Variants in CMTM4 observed in about 807,000 individuals in gnomAD.
The protein encoded by CMTM4 is CKLF-like MARVEL transmembrane domain-containing protein 4.
Under a neutral mutation model 19.0 loss-of-function variants are expected in CMTM4, and 8 were observed. The ratio of observed to expected loss-of-function variants is 0.42; its 90% CI spans 0.25 to 0.76. The LOEUF (loss-of-function observed/expected upper bound fraction) is 0.76. Among genes scored for constraint, CMTM4 ranks in the 30% least tolerant of loss-of-function variants. The pLI is 0.27. For synonymous variants in CMTM4, 106 were observed against 121.1 expected (o/e 0.88, Z 0.82); for missense variants, 228 against 290.2 (o/e 0.79, Z 1.56).
At chr16:66,613,585 T>G (rs2144763573), downstream of CMTM4, 1 of 155,400 alleles carries the variant, frequency 6.4e-6, no homozygotes, top group East Asian at 1.9e-4. Flanking sequence ...TTATATTTTT[T>G]TATGCAAAAG....
chr16:66,602,275 T>C, the CMTM4 span, among the ~76,000 whole-genome samples: 1 of 152,048 alleles, frequency 6.6e-6, no homozygotes, highest in African/African-American at 2.4e-5. Context: ...CACAGGCCTG[T>C]AATCCCAGCT....
intron 1 of CMTM4, among the ~76,000 whole-genome samples, chr16:66,663,532 C>CCTT (rs2016536485): frequency 1.8e-5 from 1 of 55,256 alleles, no homozygotes; most frequent in African/African-American, 6.8e-5. Flanking sequence ...TTTTCATTTG[C>CCTT]TTTTTTTTTT....
chr16:66,674,445 G>A (rs997492244), intron 1 of CMTM4, among the ~76,000 whole-genome samples: 1 of 152,130 alleles, frequency 6.6e-6, no homozygotes, highest in Non-Finnish European at 1.5e-5. Context: ...CACACACCCA[G>A]ACAGGGACAA....
intron 1 of CMTM4, among the ~76,000 whole-genome samples, chr16:66,678,977 T>C (rs2144897784): frequency 6.6e-6 from 1 of 151,830 alleles, no homozygotes; most frequent in East Asian, 1.9e-4. Context: ...TGCACGCCTG[T>C]GGTCCCAGCT....
chr16:66,649,385 T>C (rs1369628012), intron 1 of CMTM4, among the ~76,000 whole-genome samples: 2 of 152,164 alleles, frequency 1.3e-5, no homozygotes, highest in Non-Finnish European at 2.9e-5. Flanking sequence ...TAGGGATGCA[T>C]TGGTGAACAA....
chr16:66,683,931 G>A (rs1386956256), intron 1 of CMTM4, among the ~76,000 whole-genome samples: 1 of 152,118 alleles, frequency 6.6e-6, no homozygotes, highest in East Asian at 1.9e-4. Flanking sequence ...AGCTAAGCGG[G>A]CATTTTCAGG....
intron 1 of CMTM4, among the ~76,000 whole-genome samples, chr16:66,678,827 C>A (rs1241021774): frequency 2.0e-5 from 3 of 152,090 alleles, no homozygotes; most frequent in Non-Finnish European, 4.4e-5. Context: ...TATTCTTTGG[C>A]CAGGAGCAGT....
chr16:66,649,882 G>GGTGA (rs749845354), intron 1 of CMTM4, among the ~76,000 whole-genome samples: 2 of 151,302 alleles, frequency 1.3e-5, no homozygotes, highest in African/African-American at 4.9e-5. Context: ...AGGCAAACAG[G>GGTGA]GTGAGGCCAG....
intron 1 of CMTM4, among the ~76,000 whole-genome samples, chr16:66,666,121 A>G (rs916090038): frequency 6.6e-6 from 1 of 151,242 alleles, no homozygotes; most frequent in Non-Finnish European, 1.5e-5. Context: ...AGAAAGAGAA[A>G]GAAAGAAAGA....
rs116168508 is a variant in CMTM4 at position 66,640,377 on chromosome 16, G to A, written c.187-3796C>T. 8.5e-3 allele frequency among the ~76,000 whole-genome samples: 1,288 copies of A among 152,288 alleles called. 18 individuals are homozygous for A. The highest frequency in any genetic ancestry group is 0.029 in the African/African-American group (1,216 of 41,536). The stretch of plus-strand genomic sequence containing the variant: ...GGGTGCTATTTGAGACAGAGTTGCC[G>A]AACATATAAGGGACAGCTGTCTGGA... On this transcript the variant is annotated intron_variant, in intron 1 of 3. Coordinates refer to ENST00000394106, the MANE Select transcript of CMTM4 (RefSeq NM_181521.3).
chr16:66,608,810 A>AG, the CMTM4 span, among the ~76,000 whole-genome samples: 1 of 152,248 alleles, frequency 6.6e-6, no homozygotes, highest in African/African-American at 2.4e-5. This position sits in a 1 kb window ranked among gnomAD's most constrained non-coding sequence, Gnocchi z 5.1. Flanking sequence ...AGGTTAACTG[A>AG]GGACTTGCAG....
In CMTM4 at chr16:66,616,456, G is replaced by C. The variant is rs1320589580; in HGVS notation, c.*5602C>G. 6.6e-6 allele frequency: 1 copy of C among 152,160 alleles called. No homozygotes were observed. Among genetic ancestry groups the C allele is most frequent in the African/African-American group, 2.4e-5 (1 of 41,424 alleles). The allele number at this position is 152,160 out of a possible 1,614,324, so 9.4% of individuals were successfully genotyped here. A position where few individuals can be genotyped will look rare whatever the true frequency, so the allele number is the denominator to read the frequency against. On this transcript the variant is annotated 3_prime_UTR_variant, in exon 4 of 4. Transcript: ENST00000394106. Reference sequence around the variant, plus strand: ...AAAAGCACTGATTTTATCCAAGTAGGTCAATTTGAGGCAAGATTCAAAAAC... The same window carrying C: ...AAAAGCACTGATTTTATCCAAGTAGCTCAATTTGAGGCAAGATTCAAAAAC...
At chr16:66,609,630 T>A in the CMTM4 span, 1 of 1,513,646 alleles carries the variant, frequency 6.6e-7, no homozygotes, top group Non-Finnish European at 8.9e-7. The surrounding 1 kb of genome is among the most constrained non-coding windows in gnomAD (Gnocchi z 4.4). Flanking sequence ...GGGGCCCCCC[T>A]GGGGTCTCAT....
chr16:66,627,768 C>T (rs1330210151), intron 2 of CMTM4, among the ~76,000 whole-genome samples: 1 of 152,134 alleles, frequency 6.6e-6, no homozygotes, highest in South Asian at 2.1e-4. Context: ...TGGGATATCT[C>T]GTCAGGTGGG....
intron 2 of CMTM4, among the ~76,000 whole-genome samples, chr16:66,625,187 C>A (rs2015711392): frequency 6.6e-6 from 1 of 152,152 alleles, no homozygotes; most frequent in Non-Finnish European, 1.5e-5. Context: ...GTAATCCCAG[C>A]ACTTTGGGAG....
chr16:66,682,647 T>C (rs1160924584), intron 1 of CMTM4, among the ~76,000 whole-genome samples: 1 of 152,198 alleles, frequency 6.6e-6, no homozygotes, highest in Non-Finnish European at 1.5e-5. Flanking sequence ...GTATTTCCCA[T>C]AGCCTTCTCT....
downstream of CMTM4, chr16:66,612,467 G>A (rs940614254): frequency 2.6e-5 from 20 of 765,482 alleles, no homozygotes; most frequent in Middle Eastern, 8.5e-4. This position sits in a 1 kb window ranked among gnomAD's most constrained non-coding sequence, Gnocchi z 6.0. Context: ...TGATGCCAGC[G>A]ATCACTGGGA....
At chr16:66,693,524 ATT>A (rs1330802351) in intron 1 of CMTM4, among the ~76,000 whole-genome samples, 2 of 152,166 alleles carry the variant, frequency 1.3e-5, no homozygotes, top group Non-Finnish European at 2.9e-5. Flanking sequence ...TTAGAGTCCA[ATT>A]TCTTGGAGTT....
At chr16:66,683,634 A>G (rs1877407014) in intron 1 of CMTM4, among the ~76,000 whole-genome samples, 5 of 151,744 alleles carry the variant, frequency 3.3e-5, no homozygotes, top group Admixed American at 3.3e-4. Flanking sequence ...TTCAACACCT[A>G]TGTGCCAGAC....
Sources: gnomAD v4.1 joint callset for allele counts (sites outside exome capture counted in the v4.1 genomes callset) on GRCh38, gnomAD v4.1.1 for gene constraint, Gnocchi (gnomAD v3.1) non-coding constraint, MANE v1.5 for transcripts, NCBI Gene and HGNC (gene_info 2026-07-23, HGNC 2026-07-21) for gene names.